CLSTN2: variants seen among roughly 807,000 people sequenced by gnomAD.
The protein encoded by CLSTN2 is calsyntenin 2, also known as calsyntenin-2.
CLSTN2 carries 48 observed loss-of-function variants against 101.2 expected under a neutral mutation model. The observed-to-expected ratio is 0.47, with a 90% CI of 0.38 to 0.60. The LOEUF (loss-of-function observed/expected upper bound fraction) is 0.60. Among genes scored for constraint, CLSTN2 ranks in the 20% least tolerant of loss-of-function variants. CLSTN2 has a pLI of 0.00. For synonymous variants in CLSTN2, 481 were observed against 463.6 expected, an observed-to-expected ratio of 1.04 and a Z score of -0.48; for missense variants, 1,160 against 1,238.2, an observed-to-expected ratio of 0.94 and a Z score of 0.95.
chr3:140,089,256 C>T (rs2008729975), intron 1 of CLSTN2, among the ~76,000 whole-genome samples: 1 of 152,070 alleles, frequency 6.6e-6, no homozygotes, highest in Non-Finnish European at 1.5e-5. Context: ...GCCTTGTGTG[C>T]CCTTTGAAAT....
chr3:140,280,696 C>T (rs2086837485), intron 2 of CLSTN2, among the ~76,000 whole-genome samples: 1 of 152,132 alleles, frequency 6.6e-6, no homozygotes, highest in Non-Finnish European at 1.5e-5. Context: ...GGCCATGGAA[C>T]AGGCTGGCTT....
chr3:140,304,058 A>G (rs1297980875), intron 2 of CLSTN2, among the ~76,000 whole-genome samples: 1 of 152,140 alleles, frequency 6.6e-6, no homozygotes, highest in African/African-American at 2.4e-5. Context: ...GAGACAATAT[A>G]TGTAATACTC....
intron 8 of CLSTN2, among the ~76,000 whole-genome samples, chr3:140,475,212 G>A (rs189217955): frequency 1.3e-5 from 2 of 152,326 alleles, no homozygotes; most frequent in African/African-American, 4.8e-5. Flanking sequence ...AAAGGAGGGA[G>A]TCACCAAGAG....
chr3:139,996,259 C>T (rs2006657847), intron 1 of CLSTN2, among the ~76,000 whole-genome samples: 1 of 151,864 alleles, frequency 6.6e-6, no homozygotes. Flanking sequence ...TAATATGTTA[C>T]TTTGTGTATC....
chr3:140,165,134 A>G (rs2010115063), intron 1 of CLSTN2, among the ~76,000 whole-genome samples: 1 of 152,190 alleles, frequency 6.6e-6, no homozygotes, highest in South Asian at 2.1e-4. Context: ...TTTTTCATGT[A>G]TGAGTCACAC....
At chr3:140,171,779 T>A (rs1482601282) in intron 1 of CLSTN2, among the ~76,000 whole-genome samples, 1 of 70,734 alleles carries the variant, frequency 1.4e-5, no homozygotes, top group East Asian at 2.5e-4. Flanking sequence ...TAATATGTAT[T>A]ATATAATATA....
rs1341374782 is a variant in CLSTN2, at chr3:140,419,683, G to A, written c.638-1442G>A. Among the ~76,000 whole-genome samples the A allele has an allele frequency of 3.5e-5, 2 of 57,774 alleles. 1 individual carries two copies. Among genetic ancestry groups the A allele is most frequent in the Non-Finnish European group, 5.4e-5 (2 of 36,900 alleles). The allele number at this position is 57,774 out of a possible 152,430, so 37.9% of individuals were successfully genotyped here. On this transcript the variant is annotated intron_variant, in intron 4 of 16. Coordinates refer to ENST00000458420, the MANE Select transcript of CLSTN2 (RefSeq NM_022131.3). Reference sequence around the variant, plus strand: ...TATACATATATGAATATGTATATACGTATATATACGTATATGAATATGTAT... The same window carrying A: ...TATACATATATGAATATGTATATACATATATATACGTATATGAATATGTAT...
chr3:139,957,421 C>T (rs1204846637), intron 1 of CLSTN2, among the ~76,000 whole-genome samples: 1 of 152,122 alleles, frequency 6.6e-6, no homozygotes, highest in Non-Finnish European at 1.5e-5. Context: ...GAAGTTTCAT[C>T]TTTCTCCTTC....
intron 1 of CLSTN2, among the ~76,000 whole-genome samples, chr3:140,001,020 A>G (rs2006824068): frequency 6.6e-6 from 1 of 152,162 alleles, no homozygotes; most frequent in Non-Finnish European, 1.5e-5. Context: ...ACTACTTCAA[A>G]ATAACTTACC....
chr3:140,284,070 T>C (rs929065335), intron 2 of CLSTN2, among the ~76,000 whole-genome samples: 2 of 152,192 alleles, frequency 1.3e-5, no homozygotes, highest in African/African-American at 4.8e-5. Context: ...GATGCAATTA[T>C]TGATCAAATA....
intron 9 of CLSTN2, 50 bp downstream of exon 9, chr3:140,532,536 G>A (rs1418059814): frequency 2.0e-6 from 3 of 1,499,784 alleles, no homozygotes; most frequent in Admixed American, 3.9e-5. Context: ...AATAGTTCTT[G>A]GAAGATACTT....
chr3:140,404,310 T>A (rs539000028), intron 3 of CLSTN2, among the ~76,000 whole-genome samples: 30 of 152,322 alleles, frequency 2.0e-4, no homozygotes, highest in African/African-American at 7.0e-4. Flanking sequence ...ACCTGTTGCC[T>A]AAAGCTGGTG....
rs568728380 is a variant in CLSTN2 at position 140,008,983 on chromosome 3, G to A, written c.109+73500G>A. On this transcript the variant is annotated intron_variant, in intron 1 of 16. Coordinates refer to ENST00000458420, the MANE Select transcript of CLSTN2 (RefSeq NM_022131.3). Reference sequence around the variant, plus strand: ...AAAGACTTTTTAAATGTAATTTTTTGGCCTCATGCACACAGAAGCCTTGTT... The same window carrying A: ...AAAGACTTTTTAAATGTAATTTTTTAGCCTCATGCACACAGAAGCCTTGTT... Among the ~76,000 whole-genome samples, 112 of 152,200 alleles carry A rather than the reference G, an allele frequency of 7.4e-4. 1 individual carries two copies. Among genetic ancestry groups the A allele is most frequent in the Admixed American group, 6.9e-3 (105 of 15,300 alleles).
At chr3:140,018,491 T>C (rs1242736831) in intron 1 of CLSTN2, among the ~76,000 whole-genome samples, 1 of 152,162 alleles carries the variant, frequency 6.6e-6, no homozygotes, top group Non-Finnish European at 1.5e-5. Flanking sequence ...GCCTGCTGCA[T>C]AGGGCAGGGT....
At chr3:140,367,046 C>T (rs963062679) in intron 2 of CLSTN2, among the ~76,000 whole-genome samples, 5 of 152,262 alleles carry the variant, frequency 3.3e-5, no homozygotes, top group Non-Finnish European at 5.9e-5. Context: ...GGTGCTGGGC[C>T]CACCACCAGA....
At chr3:140,166,060 T>A (rs1448197291) in intron 1 of CLSTN2, among the ~76,000 whole-genome samples, 1 of 152,160 alleles carries the variant, frequency 6.6e-6, no homozygotes, top group Non-Finnish European at 1.5e-5. Context: ...AAACCTTGTG[T>A]CTCCTGGCAG....
Position 140,362,799 on chromosome 3 carries a change from C to A in CLSTN2, c.233-40830C>A, listed in dbSNP as rs537139264. Among the ~76,000 whole-genome samples, 11 of 151,896 alleles carry A rather than the reference C, an allele frequency of 7.2e-5. No individual in the cohort carries two copies. In the East Asian group the frequency reaches 1.9e-3, roughly 27 times the overall value. On this transcript the variant is annotated intron_variant, in intron 2 of 16. Coordinates refer to ENST00000458420, the MANE Select transcript of CLSTN2 (RefSeq NM_022131.3). ...TTTCAGGCTTCCAAGAACAGATATA[C>A]CATAATGATTTTAAGAAGACGATAA...
chr3:140,296,030 C>T (rs887292361), intron 2 of CLSTN2, among the ~76,000 whole-genome samples: 1 of 152,224 alleles, frequency 6.6e-6, no homozygotes, highest in African/African-American at 2.4e-5. Context: ...CAAACCCCTC[C>T]TGCTCTGATT....
intron 2 of CLSTN2, among the ~76,000 whole-genome samples, chr3:140,389,333 C>T (rs907027305): frequency 7.9e-5 from 12 of 152,188 alleles, no homozygotes; most frequent in Admixed American, 7.2e-4. Context: ...GTTCCCCTCC[C>T]CATGTCCATG....
Sources: allele counts gnomAD v4.1 joint callset (sites outside exome capture counted in the v4.1 genomes callset), GRCh38; gene constraint gnomAD v4.1.1; transcripts MANE v1.5; gene names NCBI Gene and HGNC (gene_info 2026-07-23, HGNC 2026-07-21).